Variants in PHTF2 observed in about 807,000 individuals in gnomAD.
The protein encoded by PHTF2 is protein PHTF2.
PHTF2 carries 60 observed loss-of-function variants against 101.2 expected under a neutral mutation model. That is an observed-to-expected ratio of 0.59 (90% CI 0.48 to 0.73). The LOEUF (loss-of-function observed/expected upper bound fraction) is 0.73. Ranked by LOEUF, PHTF2 falls within the 30% of genes least tolerant of loss-of-function variation. The pLI is 0.00. For synonymous variants in PHTF2, 311 were observed against 307.3 expected (o/e 1.01, Z -0.13); for missense variants, 747 against 908.7 (o/e 0.82, Z 2.29).
intron 11 of PHTF2, chr7:77,924,246 C>A: frequency 4.0e-6 from 2 of 505,120 alleles, no homozygotes; most frequent in Non-Finnish European, 5.1e-6. Context: ...AATTACTGTA[C>A]TCTCTCCAAT....
chr7:77,935,211 AC>A (rs1804997418), intron 12 of PHTF2, among the ~76,000 whole-genome samples: 2 of 86,432 alleles, frequency 2.3e-5, no homozygotes, highest in East Asian at 3.8e-4. Context: ...CATGTAATTT[AC>A]CCTTTTTTTT....
intron 9 of PHTF2, among the ~76,000 whole-genome samples, chr7:77,918,357 T>C (rs534120381): frequency 5.3e-5 from 8 of 152,312 alleles, no homozygotes; most frequent in African/African-American, 1.9e-4. Flanking sequence ...TCCATCTTTC[T>C]TCCTAAATAA....
At chr7:77,942,582 GCT>G (rs1395136384) in intron 15 of PHTF2, 116 bp from the exon 15 acceptor site, 1 of 513,228 alleles carries the variant, frequency 1.9e-6, no homozygotes, top group Non-Finnish European at 3.5e-6. Context: ...AACATTGTGG[GCT>G]GTGATCAACT....
chr7:77,954,637 T>TATATATATATATAG (rs1806864851), intron 19 of PHTF2, among the ~76,000 whole-genome samples: 1 of 144,602 alleles, frequency 6.9e-6, no homozygotes, highest in Admixed American at 6.9e-5. Context: ...TATATATATA[T>TATATATATATATAG]ATATATATAG....
Position 77,809,603 on chromosome 7 carries a change from G to A in PHTF2, c.-36+10632G>A, listed in dbSNP as rs941822145. Reference sequence around the variant, plus strand: ...AAATATGTCTGTATAATTTCTAAGGGAGATTAATAGATTAATGAGAAGTGT... The same window carrying A: ...AAATATGTCTGTATAATTTCTAAGGAAGATTAATAGATTAATGAGAAGTGT... On this transcript the variant is annotated intron_variant, in intron 1 of 19. Transcript: ENST00000416283. 5.9e-5 allele frequency among the ~76,000 whole-genome samples: 9 copies of A among 152,130 alleles called. 1 individual carries two copies. Among genetic ancestry groups the A allele is most frequent in the African/African-American group, 2.2e-4 (9 of 41,408 alleles).
chr7:77,825,683 A>T (rs1299807198), intron 1 of PHTF2, among the ~76,000 whole-genome samples: 1 of 152,222 alleles, frequency 6.6e-6, no homozygotes, highest in Admixed American at 6.5e-5. Context: ...TTGTGTGTGT[A>T]TGCATAAAGA....
chr7:77,836,565 T>G (rs978638252), intron 1 of PHTF2, among the ~76,000 whole-genome samples: 13 of 152,122 alleles, frequency 8.5e-5, no homozygotes, highest in Admixed American at 5.9e-4. Context: ...AGCAAGGACT[T>G]GGAACCAACC....
chr7:77,840,174 G>T (rs1307833454), intron 1 of PHTF2, 47 bp from the exon 2 acceptor site: 43 of 1,001,034 alleles, frequency 4.3e-5, no homozygotes, highest in Non-Finnish European at 6.5e-5. Context: ...GTCTCCTTTT[G>T]GAAGGTGGGA....
At chr7:77,864,105 C>T (rs1797868124) in intron 3 of PHTF2, among the ~76,000 whole-genome samples, 2 of 152,096 alleles carry the variant, frequency 1.3e-5, no homozygotes, top group African/African-American at 2.4e-5. Flanking sequence ...CTTTAGGAAA[C>T]TCTGCATCAT....
At chr7:77,851,507 G>A (rs1362941455) in intron 2 of PHTF2, among the ~76,000 whole-genome samples, 1 of 151,350 alleles carries the variant, frequency 6.6e-6, no homozygotes, top group African/African-American at 2.4e-5. Flanking sequence ...TCTTAGTGTG[G>A]CTAAAGGTTT....
chr7:77,893,903 C>A, intron 4 of PHTF2, 79 bp from the exon 4 acceptor site: 1 of 1,032,344 alleles, frequency 9.7e-7, no homozygotes, highest in Non-Finnish European at 1.5e-6. Context: ...TTTTTGTCAG[C>A]TTTTTTCCCC....
chr7:77,829,079 G>T (rs578211222), intron 1 of PHTF2, among the ~76,000 whole-genome samples: 22 of 152,288 alleles, frequency 1.4e-4, no homozygotes, highest in Admixed American at 9.8e-4. Context: ...CTACTCGAGA[G>T]GCTGAGGTGG....
At chr7:77,810,561 G>A (rs1159043048) in intron 1 of PHTF2, among the ~76,000 whole-genome samples, 2 of 151,886 alleles carry the variant, frequency 1.3e-5, no homozygotes, top group Non-Finnish European at 2.9e-5. Context: ...TTTTTGAGAC[G>A]AAGTCTTGCT....
chr7:77,938,268 AAATC>A (rs1805327282), intron 13 of PHTF2, among the ~76,000 whole-genome samples: 1 of 152,222 alleles, frequency 6.6e-6, no homozygotes, highest in Admixed American at 6.5e-5. Flanking sequence ...AGACATGAAA[AAATC>A]AAACTAGTAA....
At chr7:77,890,599 C>CTTTTTTT (rs747882978) in intron 3 of PHTF2, among the ~76,000 whole-genome samples, 88 of 84,232 alleles carry the variant, frequency 1.0e-3, no homozygotes, top group Non-Finnish European at 1.2e-3. Flanking sequence ...AATAGTTACA[C>CTTTTTTT]TTTTTTTTTT....
intron 3 of PHTF2, among the ~76,000 whole-genome samples, chr7:77,861,838 A>T (rs921999748): frequency 7.9e-5 from 12 of 152,128 alleles, no homozygotes; most frequent in Admixed American, 3.3e-4. Flanking sequence ...CAGGTGCATC[A>T]CCTGAGGTTG....
intron 11 of PHTF2, chr7:77,923,530 T>C: frequency 1.0e-6 from 1 of 984,950 alleles, no homozygotes. Context: ...TACTATTCTT[T>C]GCACACTCTT....
chr7:77,942,614 C>G lies in PHTF2; in HGVS notation c.1873-86C>G, dbSNP rs1480435119. On this transcript the variant is annotated intron_variant, in intron 15 of 19. Transcript: ENST00000416283. ...TCAACTGATGGTGATGAGTCAACAC[C>G]TTTATTGAAACCATGGAAATTATCT... 4 of 722,918 alleles carry G rather than the reference C, an allele frequency of 5.5e-6. 1 individual carries two copies. The Admixed American group carries it at 1.1e-4, about 19-fold the overall frequency. 44.8% of individuals were successfully genotyped at this position (722,918 alleles called of 1,614,324 possible). A position where few individuals can be genotyped will look rare whatever the true frequency, so the allele number is the denominator to read the frequency against.
At chr7:77,800,841 C>T (rs770754496) in intron 1 of PHTF2, among the ~76,000 whole-genome samples, 4 of 152,184 alleles carry the variant, frequency 2.6e-5, no homozygotes, top group Non-Finnish European at 4.4e-5. Flanking sequence ...CAAACCAAGA[C>T]TTAGTTTAAC....
Sources: gnomAD v4.1 joint callset for allele counts (sites outside exome capture counted in the v4.1 genomes callset) on GRCh38, gnomAD v4.1.1 for gene constraint, MANE v1.5 for transcripts, NCBI Gene and HGNC (gene_info 2026-07-23, HGNC 2026-07-21) for gene names.